The following PPP3CA variants were observed in gnomAD, a reference collection of about 807,000 sequenced individuals.
The protein encoded by PPP3CA is CAM-PRP catalytic subunit.
In PPP3CA, 14 loss-of-function variants were observed where a neutral mutation model predicts 66.5. The observed-to-expected ratio is 0.21, with a 90% CI of 0.14 to 0.33. The LOEUF (loss-of-function observed/expected upper bound fraction) is 0.33, where lower values mean the gene tolerates loss of function less well. Among genes scored for constraint, PPP3CA ranks in the 10% least tolerant of loss-of-function variants. The pLI is 1.00. For missense variants in PPP3CA, 317 were observed against 639.5 expected (o/e 0.50, Z 5.44); for synonymous variants, 232 against 226.2 (o/e 1.03, Z -0.23).
At chr4:101,232,827 T>A (rs931972619) in intron 1 of PPP3CA, among the ~76,000 whole-genome samples, 2 of 151,740 alleles carry the variant, frequency 1.3e-5, no homozygotes, top group African/African-American at 4.8e-5. Flanking sequence ...AAAATGTCAA[T>A]TTTTAAAACT....
At chr4:101,329,244 G>T (rs1729299276) in intron 1 of PPP3CA, among the ~76,000 whole-genome samples, 2 of 152,062 alleles carry the variant, frequency 1.3e-5, no homozygotes, top group South Asian at 4.1e-4. Context: ...AAGTTTTTGT[G>T]GTCTGGATAG....
At chr4:101,073,077 G>C (rs971040759) in intron 8 of PPP3CA, among the ~76,000 whole-genome samples, 2 of 151,664 alleles carry the variant, frequency 1.3e-5, no homozygotes, top group Non-Finnish European at 2.9e-5. Flanking sequence ...GCAATGAGAG[G>C]AGACATTCTG....
intron 1 of PPP3CA, among the ~76,000 whole-genome samples, chr4:101,272,141 T>C (rs1348682886): frequency 6.6e-6 from 1 of 152,164 alleles, no homozygotes; most frequent in Non-Finnish European, 1.5e-5. Context: ...TCTAGGTTTA[T>C]CTCCTCCACT....
intron 9 of PPP3CA, among the ~76,000 whole-genome samples, 182 bp downstream of exon 9, chr4:101,063,050 C>A (rs1728541501): frequency 6.6e-6 from 1 of 151,426 alleles, no homozygotes; most frequent in South Asian, 2.1e-4. Context: ...CCCTCATTCA[C>A]CAATTGTGTC....
rs1726557525 is a variant in PPP3CA, at chr4:101,024,942, C to A, written c.*923G>T. On this transcript the variant is annotated 3_prime_UTR_variant, in exon 14 of 14. Transcript: ENST00000394854. ...TTTTTTCTTAAAAAACATGCATAGG[C>A]AGATTTTTTTTTTTTTTACAGAATA... 1 of 145,324 alleles carries A rather than the reference C, an allele frequency of 6.9e-6. No homozygotes were observed. Among genetic ancestry groups the A allele is most frequent in the Non-Finnish European group, 1.5e-5 (1 of 67,708 alleles). 9.0% of individuals were successfully genotyped at this position (145,324 alleles called of 1,614,324 possible).
intron 1 of PPP3CA, among the ~76,000 whole-genome samples, chr4:101,245,089 G>A (rs1308751581): frequency 1.3e-5 from 2 of 152,156 alleles, no homozygotes; most frequent in East Asian, 3.9e-4. Flanking sequence ...AGTCCGAATA[G>A]ATTTTTTTTA....
intron 1 of PPP3CA, among the ~76,000 whole-genome samples, chr4:101,234,375 C>A (rs1460706200): frequency 6.6e-6 from 1 of 151,794 alleles, no homozygotes; most frequent in African/African-American, 2.4e-5. Context: ...TCCCTTTTCT[C>A]CACAACTTCA....
At chr4:101,151,019 A>G (rs1366656194) in intron 2 of PPP3CA, among the ~76,000 whole-genome samples, 1 of 152,208 alleles carries the variant, frequency 6.6e-6, no homozygotes, top group Non-Finnish European at 1.5e-5. Context: ...ATTTAAAATT[A>G]ATTATAATAT....
At chr4:101,202,600 G>T (rs745908586) in intron 1 of PPP3CA, among the ~76,000 whole-genome samples, 5 of 152,226 alleles carry the variant, frequency 3.3e-5, no homozygotes, top group Middle Eastern at 6.8e-3. Context: ...ATTTACTAGG[G>T]TTCTACTTAC....
chr4:101,033,117 C>T (rs1052178243), intron 11 of PPP3CA, among the ~76,000 whole-genome samples: 1 of 151,606 alleles, frequency 6.6e-6, no homozygotes, highest in African/African-American at 2.4e-5. Flanking sequence ...TTGTTAAATC[C>T]TCATAATTAA....
chr4:101,152,889 C>A (rs77378904), intron 2 of PPP3CA, among the ~76,000 whole-genome samples: 2 of 151,976 alleles, frequency 1.3e-5, no homozygotes, highest in Non-Finnish European at 2.9e-5. Flanking sequence ...GGAAAAAAAA[C>A]GCGAAAGCAT....
intron 1 of PPP3CA, among the ~76,000 whole-genome samples, chr4:101,294,067 T>C (rs1728116690): frequency 6.6e-6 from 1 of 152,204 alleles, no homozygotes; most frequent in Non-Finnish European, 1.5e-5. Context: ...TTTAGTTCAC[T>C]AACAATAGTA....
At chr4:101,128,538 T>C (rs1474828185) in intron 2 of PPP3CA, among the ~76,000 whole-genome samples, 2 of 151,832 alleles carry the variant, frequency 1.3e-5, no homozygotes, top group Admixed American at 6.6e-5. Flanking sequence ...CATTTCCAAC[T>C]GAGGTACCCG....
chr4:101,036,614 A>G (rs990178549), intron 11 of PPP3CA, among the ~76,000 whole-genome samples: 2 of 152,120 alleles, frequency 1.3e-5, no homozygotes, highest in African/African-American at 4.8e-5. Flanking sequence ...GGGTTTCACC[A>G]TGTTAGCCAG....
intron 1 of PPP3CA, among the ~76,000 whole-genome samples, chr4:101,298,339 G>GAT (rs3078022): frequency 0.048 from 6,885 of 143,420 alleles, 217 homozygotes; most frequent in African/African-American, 0.097. Flanking sequence ...CAAGCAGGGA[G>GAT]ATATATATAT....
chr4:101,306,082 C>T (rs1170797269), intron 1 of PPP3CA, among the ~76,000 whole-genome samples: 2 of 151,986 alleles, frequency 1.3e-5, no homozygotes, highest in African/African-American at 4.8e-5. Context: ...AGGCAGTCCA[C>T]CACAAATACA....
chr4:101,188,961 A>G (rs2110182933), intron 2 of PPP3CA, among the ~76,000 whole-genome samples: 1 of 152,288 alleles, frequency 6.6e-6, no homozygotes, highest in East Asian at 1.9e-4. Context: ...AAAATAGTAA[A>G]CTAGCTGCAT....
intron 2 of PPP3CA, among the ~76,000 whole-genome samples, chr4:101,159,913 A>C (rs1041774857): frequency 5.9e-5 from 9 of 152,160 alleles, no homozygotes; most frequent in Admixed American, 1.3e-4. Context: ...CATTGCTGGA[A>C]GCAGTATTCA....
chr4:101,081,488 G>A (rs1729437024), intron 7 of PPP3CA, among the ~76,000 whole-genome samples: 1 of 152,100 alleles, frequency 6.6e-6, no homozygotes. Context: ...AAAAATACAG[G>A]TGACTGTGTC....
Sources: gnomAD v4.1 joint callset for allele counts (sites outside exome capture counted in the v4.1 genomes callset) on GRCh38, gnomAD v4.1.1 for gene constraint, MANE v1.5 for transcripts, NCBI Gene and HGNC (gene_info 2026-07-23, HGNC 2026-07-21) for gene names.